The following POM121C variants were observed in gnomAD, a reference collection of about 807,000 sequenced individuals.
POM121C encodes POM121 transmembrane nucleoporin C, also known as nuclear envelope pore membrane protein POM 121C.
POM121C carries 20 observed loss-of-function variants against 66.4 expected under a neutral mutation model. That is an observed-to-expected ratio of 0.30 (90% confidence interval 0.21 to 0.44). The LOEUF is 0.44. POM121C is among the 20% of genes least tolerant of loss of function. The pLI, the probability that POM121C is intolerant of heterozygous loss-of-function variation, is 1.00. For missense variants in POM121C, 580 were observed against 1,225.7 expected, an observed-to-expected ratio of 0.47 and a Z score of 7.87; for synonymous variants, 286 against 528.0, an observed-to-expected ratio of 0.54 and a Z score of 6.28.
intron 1 of POM121C, among the ~76,000 whole-genome samples, chr7:75,482,530 T>C (rs1354900741): frequency 6.6e-6 from 1 of 151,866 alleles, no homozygotes; most frequent in Non-Finnish European, 1.5e-5. Context: ...TCTACTAAAA[T>C]ACAAAAAAAA....
intron 3 of POM121C, among the ~76,000 whole-genome samples, chr7:75,466,334 G>A (rs1374443656): frequency 1.3e-5 from 2 of 151,670 alleles, no homozygotes; most frequent in Non-Finnish European, 2.9e-5. Flanking sequence ...GGCTGGGAGG[G>A]GTGGCTCACA....
chr7:75,466,451 C>A (rs1242294431), intron 3 of POM121C, among the ~76,000 whole-genome samples: 1 of 151,514 alleles, frequency 6.6e-6, no homozygotes, highest in Non-Finnish European at 1.5e-5. Flanking sequence ...ACTAAAAATA[C>A]AAAAATTAGC....
chr7:75,481,530 T>C (rs587729102), intron 1 of POM121C, among the ~76,000 whole-genome samples: 1 of 152,304 alleles, frequency 6.6e-6, no homozygotes, highest in South Asian at 2.1e-4. Flanking sequence ...AATAGAAATT[T>C]ATCTTTAGAA....
At position 75,486,173 on chromosome 7, in the gene POM121C, C is replaced by G. The variant is rs1398083005; in HGVS notation, c.-767G>C. On this transcript the variant is annotated 5_prime_UTR_variant, in exon 1 of 15. Coordinates refer to ENST00000615331, the MANE Select transcript of POM121C (RefSeq NM_001099415.3). The stretch of plus-strand genomic sequence containing the variant: ...AACCCTGGGCCGCACAGCTCCCGCC[C>G]GCCTAGGTGCTGGTCCGGGCGGTCA... 1.9e-5 allele frequency: 6 copies of G among 314,282 alleles called. No individual in the cohort carries two copies. The highest frequency in any genetic ancestry group is 3.1e-5 in the Non-Finnish European group (5 of 162,446). The allele number at this position is 314,282 out of a possible 1,614,324, so 19.5% of individuals were successfully genotyped here. A position where few individuals can be genotyped will look rare whatever the true frequency, so the allele number is the denominator to read the frequency against.
intron 13 of POM121C, chr7:75,421,050 C>T: frequency 3.5e-6 from 1 of 286,510 alleles, no homozygotes; most frequent in Non-Finnish European, 6.8e-6. Context: ...TCTTCGCTCA[C>T]TGCCACCTCC....
intron 7 of POM121C, among the ~76,000 whole-genome samples, chr7:75,429,584 T>C (rs1189158950): frequency 2.0e-5 from 3 of 152,166 alleles, no homozygotes; most frequent in East Asian, 1.9e-4. Flanking sequence ...TGAGCCGAGA[T>C]TGTGCCACTG....
At chr7:75,467,209 A>G (rs1791685994) in intron 3 of POM121C, among the ~76,000 whole-genome samples, 1 of 152,188 alleles carries the variant, frequency 6.6e-6, no homozygotes, top group African/African-American at 2.4e-5. Flanking sequence ...AGAGAAAATC[A>G]AAAAATCTGG....
chr7:75,449,598 C>G (rs1790953176), intron 3 of POM121C, among the ~76,000 whole-genome samples: 2 of 152,140 alleles, frequency 1.3e-5, no homozygotes, highest in South Asian at 2.1e-4. Context: ...GATCTCCTGA[C>G]CTCGTGTTCC....
At chr7:75,470,807 AT>A (rs1299862969) in intron 3 of POM121C, among the ~76,000 whole-genome samples, 2 of 151,602 alleles carry the variant, frequency 1.3e-5, no homozygotes, top group African/African-American at 4.9e-5. Context: ...TAATTTTTAA[AT>A]TTTTTTATAG....
In POM121C at chr7:75,442,394, G is replaced by A. The variant is rs1790687222; in HGVS notation, c.-151-747C>T. On this transcript the variant is annotated intron_variant, in intron 3 of 14. Transcript: ENST00000615331. ...GTCAGGTCCTTCGAGCAGGGTCCGC[G>A]GCTCTAGGAGGTTTCCGTTGGCTGT... 6.2e-6 allele frequency: 9 copies of A among 1,441,538 alleles called. 1 individual carries two copies. Among genetic ancestry groups the A allele is most frequent in the South Asian group, 4.2e-5 (3 of 71,892 alleles). The allele number at this position is 1,441,538 out of a possible 1,614,324, so 89.3% of individuals were successfully genotyped here.
chr7:75,482,324 C>A (rs1262274596), intron 1 of POM121C, among the ~76,000 whole-genome samples: 2 of 152,136 alleles, frequency 1.3e-5, no homozygotes, highest in African/African-American at 4.8e-5. Context: ...ACCTGTAATC[C>A]TACCACTTTG....
chr7:75,428,646 G>A (rs1432166375), intron 7 of POM121C, among the ~76,000 whole-genome samples: 1 of 152,120 alleles, frequency 6.6e-6, no homozygotes, highest in African/African-American at 2.4e-5. Context: ...ATGTGCTCCA[G>A]ACACTGAGGG....
chr7:75,442,732 C>T (rs1277519987), intron 3 of POM121C: 3 of 1,354,002 alleles, frequency 2.2e-6, no homozygotes, highest in Admixed American at 4.1e-5. Context: ...CGGCTCCGCG[C>T]CGCGGAGGAG....
At chr7:75,430,186 T>C (rs1554472169) in intron 7 of POM121C, among the ~76,000 whole-genome samples, 1 of 151,848 alleles carries the variant, frequency 6.6e-6, no homozygotes, top group Non-Finnish European at 1.5e-5. Context: ...AAAAATTATA[T>C]GAAAATGCAA....
At chr7:75,459,903 G>A (rs1382453267) in intron 3 of POM121C, among the ~76,000 whole-genome samples, 4 of 148,796 alleles carry the variant, frequency 2.7e-5, no homozygotes, top group Non-Finnish European at 5.9e-5. Flanking sequence ...ATTGGCAAAA[G>A]GTTGATACTA....
At chr7:75,447,002 C>T (rs1356361199) in intron 3 of POM121C, among the ~76,000 whole-genome samples, 9 of 86,464 alleles carry the variant, frequency 1.0e-4, no homozygotes, top group South Asian at 4.9e-4. Flanking sequence ...AGCGAGACTC[C>T]GTCTCAAAAA....
At chr7:75,420,352 C>T (rs1214065193) in intron 13 of POM121C, 1 of 152,492 alleles carries the variant, frequency 6.6e-6, no homozygotes, top group Non-Finnish European at 1.5e-5. Flanking sequence ...CTCCTGCACC[C>T]CCTGAGCTGC....
chr7:75,482,432 G>A (rs1253226596), intron 1 of POM121C, among the ~76,000 whole-genome samples: 2 of 152,176 alleles, frequency 1.3e-5, no homozygotes, highest in Admixed American at 6.5e-5. Flanking sequence ...AGTGGCTCAC[G>A]CCTATAATCC....
At chr7:75,476,197 A>T (rs1554479330) in intron 1 of POM121C, among the ~76,000 whole-genome samples, 2 of 152,128 alleles carry the variant, frequency 1.3e-5, no homozygotes, top group African/African-American at 2.4e-5. Flanking sequence ...AGGCTAAGGC[A>T]GGAGGATGGC....
Sources: allele counts gnomAD v4.1 joint callset (sites outside exome capture counted in the v4.1 genomes callset), GRCh38; gene constraint gnomAD v4.1.1; transcripts MANE v1.5; gene names NCBI Gene and HGNC (gene_info 2026-07-23, HGNC 2026-07-21).